The following NCOA1 variants were observed in gnomAD, a reference collection of about 807,000 sequenced individuals.
The protein encoded by NCOA1 is nuclear receptor coactivator 1.
A neutral mutation model predicts 150.9 loss-of-function variants in NCOA1; 35 were observed. That is an observed-to-expected ratio of 0.23 (90% CI 0.18 to 0.31). The LOEUF (loss-of-function observed/expected upper bound fraction) is 0.31. Ranked by LOEUF, NCOA1 falls within the 10% of genes least tolerant of loss-of-function variation. The probability of loss-of-function intolerance (pLI) is 1.00; values close to 1 mark genes in which losing one functional copy is unlikely to be tolerated. For missense variants in NCOA1, 1,491 were observed against 1,749.3 expected, an observed-to-expected ratio of 0.85 and a Z score of 2.63; for synonymous variants, 590 against 630.0, an observed-to-expected ratio of 0.94 and a Z score of 0.95.
In NCOA1 at chr2:24,739,553, C is replaced by T. The variant is rs746280879; in HGVS notation, c.3303+20C>T. 1.2e-5 allele frequency: 18 copies of T among 1,553,314 alleles called. No individual in the cohort carries two copies. The highest frequency in any genetic ancestry group is 9.0e-5 in the East Asian group (4 of 44,614). Reference sequence around the variant, plus strand: ...CCTCAGGTAATGTGAGAAAACCAGACGTCATTAGTACTTCTTTAACCCACA... The same window carrying T: ...CCTCAGGTAATGTGAGAAAACCAGATGTCATTAGTACTTCTTTAACCCACA... On this transcript the variant is annotated intron_variant, in intron 18 of 22. Coordinates refer to ENST00000348332, the MANE Select transcript of NCOA1 (RefSeq NM_003743.5).
chr2:24,587,638 A>G (rs1334222887), intron 3 of NCOA1, among the ~76,000 whole-genome samples: 1 of 151,952 alleles, frequency 6.6e-6, no homozygotes, highest in Non-Finnish European at 1.5e-5. Context: ...GGAACATTTT[A>G]TTTATTTTTG....
chr2:24,753,018 T>TA (rs1403366626), intron 20 of NCOA1, among the ~76,000 whole-genome samples: 1 of 152,226 alleles, frequency 6.6e-6, no homozygotes, highest in Non-Finnish European at 1.5e-5. Flanking sequence ...GTAAGGCAGT[T>TA]AAAGTTGAAA....
intron 12 of NCOA1, among the ~76,000 whole-genome samples, chr2:24,705,859 A>G (rs1022806951): frequency 7.2e-5 from 11 of 152,196 alleles, no homozygotes; most frequent in Admixed American, 6.5e-5. Context: ...GCTTATTGGA[A>G]CATGGTAATG....
chr2:24,743,908 A>C (rs147109820), intron 19 of NCOA1, among the ~76,000 whole-genome samples: 1 of 152,214 alleles, frequency 6.6e-6, no homozygotes, highest in Non-Finnish European at 1.5e-5. Context: ...TAAAAAATAG[A>C]AATAGTATTT....
chr2:24,548,157 G>A (rs1198636570), intron 1 of NCOA1, among the ~76,000 whole-genome samples: 1 of 152,142 alleles, frequency 6.6e-6, no homozygotes, highest in Non-Finnish European at 1.5e-5. Context: ...ACAAAAGAGA[G>A]AGGTTTAATG....
intron 2 of NCOA1, among the ~76,000 whole-genome samples, chr2:24,574,200 C>G (rs1244536107): frequency 1.3e-5 from 2 of 151,852 alleles, no homozygotes; most frequent in Non-Finnish European, 2.9e-5. Flanking sequence ...AAATAGTAAG[C>G]GAATACTATT....
At chr2:24,728,544 G>T (rs962954611) in intron 16 of NCOA1, 68 bp downstream of exon 16, 3 of 1,402,170 alleles carry the variant, frequency 2.1e-6, no homozygotes, top group African/African-American at 1.5e-5. Flanking sequence ...TTTTAAGCAA[G>T]ATTTTAAAGT....
intron 3 of NCOA1, among the ~76,000 whole-genome samples, chr2:24,636,101 G>A (rs1004623549): frequency 1.3e-5 from 2 of 151,954 alleles, no homozygotes; most frequent in Non-Finnish European, 2.9e-5. Flanking sequence ...GTTAAAAATC[G>A]GTTTGTATTT....
intron 17 of NCOA1, among the ~76,000 whole-genome samples, chr2:24,737,796 A>T (rs183419700): frequency 1.4e-4 from 21 of 152,282 alleles, no homozygotes; most frequent in Admixed American, 7.8e-4. Flanking sequence ...TCTGCCACTC[A>T]ATAGGGAACG....
rs190792715 is a variant in NCOA1 at position 24,620,330 on chromosome 2, G to C, written c.-174-23636G>C. Among the ~76,000 whole-genome samples, 1,070 of 152,286 alleles carry C rather than the reference G, an allele frequency of 7.0e-3. 10 individuals carry two copies. Among genetic ancestry groups the C allele is most frequent in the African/African-American group, 0.024 (1,010 of 41,546 alleles). On this transcript the variant is annotated intron_variant, in intron 3 of 22. Transcript: ENST00000348332. ...ATTAACTATTCAATATTGGCTGGGCGTGCTGGCTCACGCCTGTAATCCCAA... is the reference window on the plus strand; with the variant it reads ...ATTAACTATTCAATATTGGCTGGGCCTGCTGGCTCACGCCTGTAATCCCAA...
intron 1 of NCOA1, among the ~76,000 whole-genome samples, chr2:24,546,841 A>G (rs1427616611): frequency 2.6e-5 from 4 of 152,202 alleles, no homozygotes; most frequent in South Asian, 4.1e-4. Flanking sequence ...ATGCCTCCAC[A>G]TGGCATCTCC....
intron 1 of NCOA1, among the ~76,000 whole-genome samples, 134 bp downstream of exon 1, chr2:24,491,736 C>T (rs998989969): frequency 3.3e-5 from 5 of 151,358 alleles, no homozygotes; most frequent in African/African-American, 1.2e-4. Context: ...CCGCTCCATC[C>T]TCCTCCCACT....
At chr2:24,527,119 G>A (rs1376161819) in intron 1 of NCOA1, among the ~76,000 whole-genome samples, 1 of 152,126 alleles carries the variant, frequency 6.6e-6, no homozygotes. Flanking sequence ...ACTATAGTAA[G>A]ACAAATCAAC....
intron 22 of NCOA1, among the ~76,000 whole-genome samples, chr2:24,764,998 A>T (rs1664974989): frequency 6.6e-6 from 1 of 152,154 alleles, no homozygotes; most frequent in Admixed American, 6.5e-5. Flanking sequence ...CCTGGCCAAC[A>T]TGGAGAAACC....
At chr2:24,746,518 GGCAATAGA>G (rs1663928886) in intron 19 of NCOA1, among the ~76,000 whole-genome samples, 1 of 152,094 alleles carries the variant, frequency 6.6e-6, no homozygotes, top group African/African-American at 2.4e-5. Flanking sequence ...CTCTAGTCTG[GGCAATAGA>G]GCAAGCCTCT....
chr2:24,641,271 A>G (rs930385061), intron 3 of NCOA1, among the ~76,000 whole-genome samples: 2 of 151,290 alleles, frequency 1.3e-5, no homozygotes, highest in African/African-American at 2.4e-5. Context: ...AATATAATTA[A>G]CATTTAATAT....
intron 19 of NCOA1, among the ~76,000 whole-genome samples, chr2:24,742,441 A>G (rs1663653485): frequency 6.6e-6 from 1 of 151,928 alleles, no homozygotes; most frequent in Non-Finnish European, 1.5e-5. Context: ...TTTGTATGCA[A>G]AGTACGTTCC....
At position 24,658,753 on chromosome 2, in the gene NCOA1, A is replaced by C. The variant is rs762881290; in HGVS notation, c.76A>C (p.Thr26Pro). Reference protein sequence around the residue: ...SHKRKGSPCDTLASSTEKRRR... With the variant: ...SHKRKGSPCDPLASSTEKRRR... Reference sequence around the variant, plus strand: ...TAAGAGGAAAGGATCGCCATGTGACACACTGGCATCAAGGTAGGAACACTC... The same window carrying C: ...TAAGAGGAAAGGATCGCCATGTGACCCACTGGCATCAAGGTAGGAACACTC... The change falls in exon 5 of 23, where the codon ACA becomes CCA. Residue 26 changes from threonine (T) to proline (P), a missense_variant. This residue lies in a region of NCOA1 where 40 missense variants were observed against 39.6 expected (regional missense o/e 1.01). Coordinates refer to ENST00000348332, the MANE Select transcript of NCOA1 (RefSeq NM_003743.5). 24 of 1,613,876 alleles carry C rather than the reference A, an allele frequency of 1.5e-5. No individual in the cohort carries two copies. The highest frequency in any genetic ancestry group is 1.8e-5 in the Non-Finnish European group (21 of 1,179,856).
chr2:24,661,062 A>G (rs72788652), intron 5 of NCOA1, among the ~76,000 whole-genome samples: 8,091 of 145,732 alleles, frequency 0.056, 288 homozygotes, highest in East Asian at 0.2. Context: ...ACTCCGGCTC[A>G]AAAAAAAAAA....
Sources: gnomAD v4.1 joint callset for allele counts (sites outside exome capture counted in the v4.1 genomes callset) on GRCh38, gnomAD v4.1.1 for gene constraint, gnomAD v4.1.1 regional missense constraint, MANE v1.5 for transcripts, NCBI Gene and HGNC (gene_info 2026-07-23, HGNC 2026-07-21) for gene names.